The following USP8 variants were observed in gnomAD, a reference collection of about 807,000 sequenced individuals.
USP8 encodes the protein ubiquitin specific peptidase 8.
Under a neutral mutation model 130.0 loss-of-function variants are expected in USP8, and 27 were observed. The ratio of observed to expected loss-of-function variants is 0.21; its 90% CI spans 0.15 to 0.29. The LOEUF is 0.29. USP8 is among the 10% of genes least tolerant of loss of function. USP8 has a pLI of 1.00. For missense variants in USP8, 1,029 were observed against 1,312.2 expected (o/e 0.78, Z 3.33); for synonymous variants, 392 against 444.1 (o/e 0.88, Z 1.48).
intron 3 of USP8, among the ~76,000 whole-genome samples, chr15:50,448,521 A>T (rs1225270831): frequency 6.9e-6 from 1 of 144,028 alleles, no homozygotes; most frequent in Non-Finnish European, 1.5e-5. Context: ...TAAAGGTGGA[A>T]TTTTTTTTTT....
In USP8 at chr15:50,514,399, C is replaced by T. The variant is rs1194471726; in HGVS notation, c.*15311C>T. 1.3e-5 allele frequency: 2 copies of T among 152,110 alleles called. No individual in the cohort carries two copies. Among genetic ancestry groups the T allele is most frequent in the Non-Finnish European group, 2.9e-5 (2 of 68,044 alleles). The allele number at this position is 152,110 out of a possible 1,614,324, so 9.4% of individuals were successfully genotyped here. A position where few individuals can be genotyped will look rare whatever the true frequency, so the allele number is the denominator to read the frequency against. On this transcript the variant is annotated 3_prime_UTR_variant, in exon 20 of 20. Coordinates refer to ENST00000307179, the MANE Select transcript of USP8 (RefSeq NM_005154.5). The stretch of plus-strand genomic sequence containing the variant: ...ACTTTTCTGTATATATGTTTCACTT[C>T]AATAAAGTTTATTTTTGGTCAAGGG...
At chr15:50,476,421 C>G (rs957078410) in intron 8 of USP8, among the ~76,000 whole-genome samples, 1 of 152,124 alleles carries the variant, frequency 6.6e-6, no homozygotes, top group African/African-American at 2.4e-5. Flanking sequence ...TAGAGTGAGA[C>G]CTTGTCAATC....
In USP8 at chr15:50,469,601, G is replaced by A. The variant is rs2051307864; in HGVS notation, c.687-2032G>A. 2.0e-5 allele frequency among the ~76,000 whole-genome samples: 3 copies of A among 151,844 alleles called. No homozygotes were observed. In the South Asian group the frequency reaches 6.2e-4, roughly 31 times the overall value. On this transcript the variant is annotated intron_variant, in intron 7 of 19. Transcript: ENST00000307179. ...TATTTCTTCTACTTCTTTACTTCCT[G>A]GAAGATACAGTAACCAACATTATTA...
chr15:50,510,969 G>T lies in USP8; in HGVS notation c.*11881G>T, dbSNP rs1413786278. ...TTTTTTTTGTATTTTTAGTAGAGAC[G>T]GGGTTTCACCGTGTTAGCCAGGATG... On this transcript the variant is annotated 3_prime_UTR_variant, in exon 20 of 20. Transcript: ENST00000307179. 6.6e-6 allele frequency: 1 copy of T among 152,030 alleles called. No individual in the cohort carries two copies. Among genetic ancestry groups the T allele is most frequent in the Non-Finnish European group, 1.5e-5 (1 of 68,038 alleles). The allele number at this position is 152,030 out of a possible 1,614,324, so 9.4% of individuals were successfully genotyped here.
In USP8 at chr15:50,500,977, A is replaced by G; in HGVS notation, c.*1889A>G. 2 of 708,820 alleles carry G rather than the reference A, an allele frequency of 2.8e-6. No individual in the cohort carries two copies. The highest frequency in any genetic ancestry group is 4.8e-6 in the Non-Finnish European group (2 of 414,288). 43.9% of individuals were successfully genotyped at this position (708,820 alleles called of 1,614,324 possible). A position where few individuals can be genotyped will look rare whatever the true frequency, so the allele number is the denominator to read the frequency against. On this transcript the variant is annotated 3_prime_UTR_variant, in exon 20 of 20. Coordinates refer to ENST00000307179, the MANE Select transcript of USP8 (RefSeq NM_005154.5). ...GAAGTGATAATTTTGTTGTTAAATC[A>G]TGCATATAGCCTGACTGCTATATTG...
At chr15:50,433,606 C>CTTTA (rs959220265) in intron 1 of USP8, among the ~76,000 whole-genome samples, 1 of 152,196 alleles carries the variant, frequency 6.6e-6, no homozygotes, top group African/African-American at 2.4e-5. Context: ...AACATTTTCT[C>CTTTA]TTTATTTATT....
At chr15:50,435,999 T>A (rs1285164040) in intron 1 of USP8, among the ~76,000 whole-genome samples, 2 of 152,184 alleles carry the variant, frequency 1.3e-5, no homozygotes, top group Non-Finnish European at 2.9e-5. Flanking sequence ...GTTCTGACCT[T>A]TGTCATCTTT....
At chr15:50,467,392 T>TA (rs2051228462) in intron 7 of USP8, among the ~76,000 whole-genome samples, 1 of 152,216 alleles carries the variant, frequency 6.6e-6, no homozygotes, top group Non-Finnish European at 1.5e-5. Flanking sequence ...TAATTTATGT[T>TA]ACAGTCCTTT....
At chr15:50,428,071 G>GTTA (rs762117136) in intron 1 of USP8, among the ~76,000 whole-genome samples, 1 of 151,706 alleles carries the variant, frequency 6.6e-6, no homozygotes, top group Non-Finnish European at 1.5e-5. Flanking sequence ...AGTGAATAAG[G>GTTA]GTTAACTAAG....
rs1188939788 is a variant in USP8, at chr15:50,504,654, A to G, written c.*5566A>G. On this transcript the variant is annotated 3_prime_UTR_variant, in exon 20 of 20. Coordinates refer to ENST00000307179, the MANE Select transcript of USP8 (RefSeq NM_005154.5). ...ATACTGAGGTACAACTGTACTGGAAATTAACTTAATGAAGATATTAGGACA... is the reference window on the plus strand; with the variant it reads ...ATACTGAGGTACAACTGTACTGGAAGTTAACTTAATGAAGATATTAGGACA... 2 of 152,190 alleles carry G rather than the reference A, an allele frequency of 1.3e-5. No homozygotes were observed. Among genetic ancestry groups the G allele is most frequent in the Non-Finnish European group, 2.9e-5 (2 of 68,052 alleles). The allele number at this position is 152,190 out of a possible 1,614,324, so 9.4% of individuals were successfully genotyped here.
intron 1 of USP8, among the ~76,000 whole-genome samples, chr15:50,437,748 G>GA (rs2050131718): frequency 6.6e-6 from 1 of 152,232 alleles, no homozygotes; most frequent in Non-Finnish European, 1.5e-5. Context: ...TGATGAATTA[G>GA]ATACCTCGCT....
At chr15:50,457,164 A>G (rs2050816057) in intron 4 of USP8, among the ~76,000 whole-genome samples, 1 of 152,236 alleles carries the variant, frequency 6.6e-6, no homozygotes, top group Admixed American at 6.5e-5. Flanking sequence ...AAAATTTTAA[A>G]TATGTGAAGC....
rs1309375648 is a variant in USP8, at chr15:50,508,363, T to C, written c.*9275T>C. 2 of 152,228 alleles carry C rather than the reference T, an allele frequency of 1.3e-5. No homozygotes were observed. The highest frequency in any genetic ancestry group is 2.9e-5 in the Non-Finnish European group (2 of 68,048). The allele number at this position is 152,228 out of a possible 1,614,324, so 9.4% of individuals were successfully genotyped here. On this transcript the variant is annotated 3_prime_UTR_variant, in exon 20 of 20. Transcript: ENST00000307179. ...TCAGTATTAAGATGAATTGATCATTTATTTTATATTCAAATATCTTGCTTC... is the reference window on the plus strand; with the variant it reads ...TCAGTATTAAGATGAATTGATCATTCATTTTATATTCAAATATCTTGCTTC...
Position 50,502,586 on chromosome 15 carries a change from T to A in USP8, c.*3498T>A, listed in dbSNP as rs1241237769. 1 of 152,308 alleles carries A rather than the reference T, an allele frequency of 6.6e-6. No individual in the cohort carries two copies. Among genetic ancestry groups the A allele is most frequent in the East Asian group, 1.9e-4 (1 of 5,194 alleles). The allele number at this position is 152,308 out of a possible 1,614,324, so 9.4% of individuals were successfully genotyped here. A position where few individuals can be genotyped will look rare whatever the true frequency, so the allele number is the denominator to read the frequency against. ...GGTTTCGCCGTGTTGGCCAGGCTGGTCTTGAACTCCTGACCTCAAGTGATC... is the reference window on the plus strand; with the variant it reads ...GGTTTCGCCGTGTTGGCCAGGCTGGACTTGAACTCCTGACCTCAAGTGATC... On this transcript the variant is annotated 3_prime_UTR_variant, in exon 20 of 20. Coordinates refer to ENST00000307179, the MANE Select transcript of USP8 (RefSeq NM_005154.5).
chr15:50,458,760 A>G (rs17696151), intron 4 of USP8, among the ~76,000 whole-genome samples: 4,091 of 152,338 alleles, frequency 0.027, 91 homozygotes, highest in East Asian at 0.097. Context: ...GGAGAGAAAG[A>G]GCAAAAAGCA....
rs2052288649 is a variant in USP8 at position 50,494,295 on chromosome 15, T to G, written c.2658+15T>G. 3 of 1,584,962 alleles carry G rather than the reference T, an allele frequency of 1.9e-6. No homozygotes were observed. In the African/African-American group the frequency reaches 4.1e-5, roughly 22 times the overall value. On this transcript the variant is annotated intron_variant, in intron 16 of 19. Transcript: ENST00000307179. Reference sequence around the variant, plus strand: ...ATCTAAATAAAGTAAGAAATTTGATTTTTCTAAGTTGCAGAGACTCTTTAG... The same window carrying G: ...ATCTAAATAAAGTAAGAAATTTGATGTTTCTAAGTTGCAGAGACTCTTTAG...
rs2052735987 is a variant in USP8 at position 50,511,246 on chromosome 15, G to A, written c.*12158G>A. On this transcript the variant is annotated 3_prime_UTR_variant, in exon 20 of 20. Transcript: ENST00000307179. Reference sequence around the variant, plus strand: ...ACCAGTTCATACCTACTTTGTATGGGATAGAATAAAAAATGAGAGGCAGTA... The same window carrying A: ...ACCAGTTCATACCTACTTTGTATGGAATAGAATAAAAAATGAGAGGCAGTA... 6.6e-6 allele frequency: 1 copy of A among 152,108 alleles called. No individual in the cohort carries two copies. The allele number at this position is 152,108 out of a possible 1,614,324, so 9.4% of individuals were successfully genotyped here.
Position 50,501,569 on chromosome 15 carries a change from C to G in USP8, c.*2481C>G, listed in dbSNP as rs902026863. On this transcript the variant is annotated 3_prime_UTR_variant, in exon 20 of 20. Coordinates refer to ENST00000307179, the MANE Select transcript of USP8 (RefSeq NM_005154.5). ...AGACATTTAACATTAGAATAAGGATCTTAACTGCATATTGCTACAGCACAA... is the reference window on the plus strand; with the variant it reads ...AGACATTTAACATTAGAATAAGGATGTTAACTGCATATTGCTACAGCACAA... 1 of 151,084 alleles carries G rather than the reference C, an allele frequency of 6.6e-6. No homozygotes were observed. Among genetic ancestry groups the G allele is most frequent in the African/African-American group, 2.4e-5 (1 of 41,024 alleles). The allele number at this position is 151,084 out of a possible 1,614,324, so 9.4% of individuals were successfully genotyped here.
chr15:50,438,550 A>G (rs760490574), intron 1 of USP8, among the ~76,000 whole-genome samples: 1 of 152,228 alleles, frequency 6.6e-6, no homozygotes, highest in Admixed American at 6.5e-5. Context: ...GTGCCATTGC[A>G]CTACAGCCAG....
Sources: gnomAD v4.1 joint callset for allele counts (sites outside exome capture counted in the v4.1 genomes callset) on GRCh38, gnomAD v4.1.1 for gene constraint, MANE v1.5 for transcripts, NCBI Gene and HGNC (gene_info 2026-07-23, HGNC 2026-07-21) for gene names.